STOM: variants seen among roughly 807,000 people sequenced by gnomAD.
STOM encodes erythrocyte band 7 integral membrane protein.
In STOM, 25 loss-of-function variants were observed where a neutral mutation model predicts 30.6. The observed-to-expected ratio is 0.82, with a 90% CI of 0.60 to 1.14. The LOEUF (loss-of-function observed/expected upper bound fraction) is 1.14, where lower values mean the gene tolerates loss of function less well. STOM is among the 50% of genes most tolerant of loss of function. The probability of loss-of-function intolerance (pLI) is 0.00; values close to 1 mark genes in which losing one functional copy is unlikely to be tolerated. For synonymous variants in STOM, 118 were observed against 130.8 expected (o/e 0.90, Z 0.67); for missense variants, 292 against 365.2 (o/e 0.80, Z 1.63).
intron 1 of STOM, among the ~76,000 whole-genome samples, chr9:121,363,731 G>T (rs973340838): frequency 6.6e-6 from 1 of 152,218 alleles, no homozygotes; most frequent in Admixed American, 6.5e-5. Flanking sequence ...ACAATGGGCT[G>T]TTACACGCTG....
chr9:121,369,013 A>G (rs1446936434), intron 1 of STOM, among the ~76,000 whole-genome samples: 3 of 151,864 alleles, frequency 2.0e-5, no homozygotes, highest in South Asian at 2.1e-4. Flanking sequence ...ATTCTCATCA[A>G]CTCCTCCCTG....
intron 1 of STOM, chr9:121,366,307 A>G (rs2064503045): frequency 1.1e-6 from 1 of 942,050 alleles, no homozygotes; most frequent in Non-Finnish European, 1.3e-6. Flanking sequence ...GTGTGTGTCA[A>G]TAGAAAATTA....
In STOM at chr9:121,340,943, G is replaced by C; in HGVS notation, c.*259C>G. The C allele has an allele frequency of 7.8e-7, 1 of 1,282,758 alleles. No homozygotes were observed. The highest frequency in any genetic ancestry group is 1.5e-5 in the African/African-American group (1 of 66,422). The allele number at this position is 1,282,758 out of a possible 1,614,324, so 79.5% of individuals were successfully genotyped here. A position where few individuals can be genotyped will look rare whatever the true frequency, so the allele number is the denominator to read the frequency against. On this transcript the variant is annotated 3_prime_UTR_variant, in exon 7 of 7. Coordinates refer to ENST00000286713, the MANE Select transcript of STOM (RefSeq NM_004099.6). ...AATGAGTCAGTGGAAGTCAAAACAA[G>C]AGGGATCTAACCTACTACATAATAA...
chr9:121,359,713 T>G (rs2064431890), intron 1 of STOM, among the ~76,000 whole-genome samples: 2 of 152,122 alleles, frequency 1.3e-5, no homozygotes, highest in Non-Finnish European at 2.9e-5. Flanking sequence ...AGTCACACAA[T>G]GGAAGACCTG....
chr9:121,340,616 GGC>G lies in STOM; in HGVS notation c.*584_*585del. The G allele has an allele frequency of 1.7e-6, 1 of 573,858 alleles. No individual in the cohort carries two copies. The highest frequency in any genetic ancestry group is 1.4e-4 in the East Asian group (1 of 6,972). 35.5% of individuals were successfully genotyped at this position (573,858 alleles called of 1,614,324 possible). ...AATACAAAAATTAGCTGGGCATGGTGGCATGAGCCTGTAATCCCAGCTACTGG... is the reference window on the plus strand; with the variant it reads ...AATACAAAAATTAGCTGGGCATGGTGATGAGCCTGTAATCCCAGCTACTGG... On this transcript the variant is annotated 3_prime_UTR_variant, in exon 7 of 7. Coordinates refer to ENST00000286713, the MANE Select transcript of STOM (RefSeq NM_004099.6).
chr9:121,348,463 C>T (rs904342308), intron 5 of STOM, among the ~76,000 whole-genome samples: 6 of 152,206 alleles, frequency 3.9e-5, no homozygotes, highest in Non-Finnish European at 1.5e-5. Context: ...AAATAAATGG[C>T]TGTGGCTATA....
In STOM at chr9:121,356,064, T is replaced by C; in HGVS notation, c.154A>G (p.Met52Val). Residue 52 changes from methionine to valine, a missense_variant, in exon 2 of 7, where the codon ATG becomes GTG. Physicochemically the swap from Met to Val is conservative, Grantham distance 21. Coordinates refer to ENST00000286713, the MANE Select transcript of STOM (RefSeq NM_004099.6). ...GAAATGTTCTTTACCTTTATGCACA[T>C]CCATATTGAGATTGGGAAAGTTATA... is the stretch of plus-strand genomic sequence containing the variant. ...TVITFPISIWMCIKIIKEYER... is the reference protein window; with the variant it reads ...TVITFPISIWVCIKIIKEYER... 3 of 1,613,978 alleles carry C rather than the reference T, an allele frequency of 1.9e-6. No individual in the cohort carries two copies. Among genetic ancestry groups the C allele is most frequent in the African/African-American group, 1.3e-5 (1 of 75,006 alleles).
chr9:121,341,259 A>G lies in STOM; in HGVS notation c.810T>C (p.Pro270=). ...TTCCTTGCAGCATATCTATGGGCAGAGGGAAGACAATTGTTGAGTTTTTCT... is the reference window on the plus strand; with the variant it reads ...TTCCTTGCAGCATATCTATGGGCAGGGGGAAGACAATTGTTGAGTTTTTCT... ...AAEKNSTIVF[P]LPIDMLQGII... is the part of the protein sequence containing the mutation. Residue 270 remains proline, a synonymous_variant, in exon 7 of 7, where the codon CCT becomes CCC. Coordinates refer to ENST00000286713, the MANE Select transcript of STOM (RefSeq NM_004099.6). 1 of 1,614,166 alleles carries G rather than the reference A, an allele frequency of 6.2e-7. No individual in the cohort carries two copies. Among genetic ancestry groups the G allele is most frequent in the South Asian group, 1.1e-5 (1 of 91,088 alleles).
In STOM at chr9:121,340,397, G is replaced by A. The variant is rs1390783267; in HGVS notation, c.*805C>T. ...TCAAGTAAGGATTATTCTGAAACAC[G>A]GTCTGGATTTAGAAAATAAATGAAC... On this transcript the variant is annotated 3_prime_UTR_variant, in exon 7 of 7. Coordinates refer to ENST00000286713, the MANE Select transcript of STOM (RefSeq NM_004099.6). 18 of 985,162 alleles carry A rather than the reference G, an allele frequency of 1.8e-5. No individual in the cohort carries two copies. Among genetic ancestry groups the A allele is most frequent in the Non-Finnish European group, 2.0e-5 (17 of 829,908 alleles). The allele number at this position is 985,162 out of a possible 1,614,324, so 61.0% of individuals were successfully genotyped here.
rs1248225711 is a variant in STOM at position 121,339,201 on chromosome 9, C to G, written c.*2001G>C. 6.5e-6 allele frequency: 1 copy of G among 153,420 alleles called. No individual in the cohort carries two copies. The highest frequency in any genetic ancestry group is 1.5e-5 in the Non-Finnish European group (1 of 68,898). The allele number at this position is 153,420 out of a possible 1,614,324, so 9.5% of individuals were successfully genotyped here. On this transcript the variant is annotated 3_prime_UTR_variant, in exon 7 of 7. Transcript: ENST00000286713. Reference sequence around the variant, plus strand: ...GCGTCCCTCCCAAGTGATTTAATTTCAGCTGATTGGACTACGAATTCACAA... The same window carrying G: ...GCGTCCCTCCCAAGTGATTTAATTTGAGCTGATTGGACTACGAATTCACAA...
intron 1 of STOM, chr9:121,369,834 TGACACG>T: frequency 7.9e-6 from 3 of 378,908 alleles, no homozygotes; most frequent in South Asian, 8.6e-5. Flanking sequence ...TCCGCGTGCG[TGACACG>T]AGATAGTGCA....
intron 3 of STOM, among the ~76,000 whole-genome samples, chr9:121,353,730 C>T (rs2064360099): frequency 6.6e-6 from 1 of 152,178 alleles, no homozygotes; most frequent in South Asian, 2.1e-4. Flanking sequence ...TCTTCACACC[C>T]TGCACTCTTG....
chr9:121,368,243 G>A (rs1295988052), intron 1 of STOM, among the ~76,000 whole-genome samples: 2 of 152,128 alleles, frequency 1.3e-5, no homozygotes, highest in Non-Finnish European at 2.9e-5. Flanking sequence ...TGTCTAAACA[G>A]TAGTTAAGTG....
chr9:121,349,687 A>T (rs1304529695), intron 4 of STOM, among the ~76,000 whole-genome samples: 1 of 151,988 alleles, frequency 6.6e-6, no homozygotes. Flanking sequence ...AAGGAATACA[A>T]TTTTTCTGAG....
chr9:121,360,134 A>G (rs1196161797), intron 1 of STOM, among the ~76,000 whole-genome samples: 1 of 152,178 alleles, frequency 6.6e-6, no homozygotes, highest in Non-Finnish European at 1.5e-5. Context: ...TATATTCTCA[A>G]TGTCTAGCAC....
intron 1 of STOM, 43 bp from the exon 2 acceptor site, chr9:121,356,199 G>A: frequency 6.6e-7 from 1 of 1,512,114 alleles, no homozygotes; most frequent in Non-Finnish European, 9.2e-7. Flanking sequence ...ACTGTTACTA[G>A]CATAATCACC....
rs553227387 is a variant in STOM at position 121,370,165 on chromosome 9, C to A, written c.23G>T (p.Arg8Leu). The change falls in exon 1 of 7, where the codon CGG becomes CTG. Residue 8 changes from arginine to leucine, a missense_variant. Coordinates refer to ENST00000286713, the MANE Select transcript of STOM (RefSeq NM_004099.6). MAEKRHT[R>L]DSEAQRLPDS... ...GGGGAGCCGCTGGGCTTCGGAGTCCCGTGTGTGCCGCTTCTCGGCCATGCT... is the reference window on the plus strand; with the variant it reads ...GGGGAGCCGCTGGGCTTCGGAGTCCAGTGTGTGCCGCTTCTCGGCCATGCT... 37 of 1,548,064 alleles carry A rather than the reference C, an allele frequency of 2.4e-5. 1 individual carries two copies. The South Asian group carries it at 4.4e-4, about 18-fold the overall frequency.
At chr9:121,363,133 C>T (rs940281793) in intron 1 of STOM, among the ~76,000 whole-genome samples, 1 of 152,204 alleles carries the variant, frequency 6.6e-6, no homozygotes, top group African/African-American at 2.4e-5. Flanking sequence ...TAAGGAATTA[C>T]TGAAATACCT....
At chr9:121,341,481 G>T (rs7853284) in intron 6 of STOM, 73 bp from the exon 7 acceptor site, 3 of 1,594,620 alleles carry the variant, frequency 1.9e-6, no homozygotes, top group Non-Finnish European at 2.6e-6. Context: ...TCAACCGGGG[G>T]TATGTATACC....
Sources: gnomAD v4.1 joint callset for allele counts (sites outside exome capture counted in the v4.1 genomes callset) on GRCh38, gnomAD v4.1.1 for gene constraint, MANE v1.5 for transcripts, NCBI Gene and HGNC (gene_info 2026-07-23, HGNC 2026-07-21) for gene names.